SPTBN1: variants seen among roughly 807,000 people sequenced by gnomAD.
The protein encoded by SPTBN1 is spectrin beta chain, non-erythrocytic 1.
Under a neutral mutation model 266.4 loss-of-function variants are expected in SPTBN1, and 32 were observed. That is an observed-to-expected ratio of 0.12 (90% confidence interval 0.09 to 0.16). The LOEUF is 0.16. Ranked by LOEUF, SPTBN1 falls within the 10% of genes least tolerant of loss-of-function variation. The pLI is 1.00. For synonymous variants in SPTBN1, 1,336 were observed against 1,162.2 expected (o/e 1.15, Z -3.04); for missense variants, 2,296 against 3,067.1 (o/e 0.75, Z 5.94).
intron 1 of SPTBN1, among the ~76,000 whole-genome samples, chr2:54,467,440 G>C (rs1257476399): frequency 6.6e-6 from 1 of 152,194 alleles, no homozygotes; most frequent in African/African-American, 2.4e-5. Flanking sequence ...TATCCCCCAG[G>C]CTGGAGTGCG....
chr2:54,617,165 G>C (rs151008583), intron 5 of SPTBN1, among the ~76,000 whole-genome samples: 1 of 152,188 alleles, frequency 6.6e-6, no homozygotes, highest in Non-Finnish European at 1.5e-5. Context: ...ATTAAGTGGC[G>C]TATGGAAGAA....
chr2:54,461,143 T>C (rs1693347008), intron 1 of SPTBN1, among the ~76,000 whole-genome samples: 1 of 152,206 alleles, frequency 6.6e-6, no homozygotes, highest in South Asian at 2.1e-4. Context: ...CATTCCCTTC[T>C]CTATGGTTTA....
intron 3 of SPTBN1, among the ~76,000 whole-genome samples, chr2:54,611,379 G>A (rs993460984): frequency 6.6e-6 from 1 of 152,098 alleles, no homozygotes; most frequent in African/African-American, 2.4e-5. Flanking sequence ...TATAGTAGAT[G>A]TGTGTGTGCT....
In SPTBN1 at chr2:54,626,863, T is replaced by C. The variant is rs550182296; in HGVS notation, c.1644+629T>C. Among the ~76,000 whole-genome samples, 244 of 152,306 alleles carry C rather than the reference T, an allele frequency of 1.6e-3. 2 individuals carry two copies. Among genetic ancestry groups the C allele is most frequent in the African/African-American group, 5.8e-3 (242 of 41,570 alleles). On this transcript the variant is annotated intron_variant, in intron 12 of 35. Transcript: ENST00000356805. This position sits in a 1 kb window ranked among gnomAD's most constrained non-coding sequence, Gnocchi z 4.7. Reference sequence around the variant, plus strand: ...TGCCATTTATTGACTGCTCTTAGCATAGAGTTCCAACCTTTCCCCCTTCCC... The same window carrying C: ...TGCCATTTATTGACTGCTCTTAGCACAGAGTTCCAACCTTTCCCCCTTCCC...
chr2:54,625,751 C>T (rs570734863), intron 11 of SPTBN1, among the ~76,000 whole-genome samples, 181 bp from the exon 12 acceptor site: 7 of 151,978 alleles, frequency 4.6e-5, no homozygotes, highest in Non-Finnish European at 8.8e-5. Flanking sequence ...CCACCACGCC[C>T]GGCTAATTTT....
In SPTBN1 at chr2:54,493,467, G is replaced by A. The variant is rs566471570; in HGVS notation, c.-47-32905G>A. On this transcript the variant is annotated intron_variant, in intron 1 of 35. Transcript: ENST00000356805. ...GTCACGCAGACTGGAGTGCAGTGGCGTGATCTCAGCTCACTGCAACCTCCC... is the reference window on the plus strand; with the variant it reads ...GTCACGCAGACTGGAGTGCAGTGGCATGATCTCAGCTCACTGCAACCTCCC... Among the ~76,000 whole-genome samples the A allele has an allele frequency of 2.6e-5, 4 of 151,488 alleles. No homozygotes were observed. In the East Asian group the frequency reaches 5.9e-4, roughly 22 times the overall value.
At chr2:54,486,799 G>A (rs1668420570) in intron 1 of SPTBN1, among the ~76,000 whole-genome samples, 1 of 151,932 alleles carries the variant, frequency 6.6e-6, no homozygotes, top group African/African-American at 2.4e-5. Context: ...AATGAAGAAA[G>A]GGATGATAAT....
chr2:54,606,057 G>C (rs1384377764), intron 3 of SPTBN1, among the ~76,000 whole-genome samples: 1 of 152,204 alleles, frequency 6.6e-6, no homozygotes, highest in African/African-American at 2.4e-5. Flanking sequence ...TTTGTAGAGA[G>C]AGAATAGAGT....
At chr2:54,661,437 G>T (rs1263885724) in intron 32 of SPTBN1, 1 of 985,646 alleles carries the variant, frequency 1.0e-6, no homozygotes, top group Non-Finnish European at 1.2e-6. Context: ...CATGATGCAT[G>T]TCTTTTTTTT....
intron 3 of SPTBN1, among the ~76,000 whole-genome samples, chr2:54,602,450 T>A (rs1191416139): frequency 6.6e-6 from 1 of 152,208 alleles, no homozygotes; most frequent in Non-Finnish European, 1.5e-5. Flanking sequence ...TAATCCACTT[T>A]AGATGCTCCC....
At chr2:54,505,589 G>T (rs768631798) in intron 1 of SPTBN1, among the ~76,000 whole-genome samples, 1 of 152,122 alleles carries the variant, frequency 6.6e-6, no homozygotes, top group Non-Finnish European at 1.5e-5. Context: ...TACCTGCCAG[G>T]TGTGTCTCCT....
intron 1 of SPTBN1, among the ~76,000 whole-genome samples, chr2:54,490,525 A>C (rs959327091): frequency 1.3e-5 from 2 of 152,204 alleles, no homozygotes; most frequent in Non-Finnish European, 2.9e-5. Flanking sequence ...TGGTGATGTG[A>C]TTCTCCAGAA....
chr2:54,593,241 CT>C, intron 2 of SPTBN1, among the ~76,000 whole-genome samples: 1 of 152,054 alleles, frequency 6.6e-6, no homozygotes, highest in Non-Finnish European at 1.5e-5. Context: ...AGAACCATTT[CT>C]GGTTCCTAGG....
chr2:54,492,460 G>C (rs1171980937), intron 1 of SPTBN1, among the ~76,000 whole-genome samples: 1 of 151,772 alleles, frequency 6.6e-6, no homozygotes, highest in Non-Finnish European at 1.5e-5. Flanking sequence ...GATTTGCTGG[G>C]TCTGAGGAGT....
intron 3 of SPTBN1, among the ~76,000 whole-genome samples, chr2:54,603,493 C>T (rs1217444283): frequency 6.6e-6 from 1 of 152,144 alleles, no homozygotes; most frequent in African/African-American, 2.4e-5. Context: ...TGCTAGTAGG[C>T]GATATGGTGT....
Position 54,626,289 on chromosome 2 carries a change from T to C in SPTBN1, c.1644+55T>C, listed in dbSNP as rs1253418106. 1.9e-6 allele frequency: 3 copies of C among 1,551,340 alleles called. 1 individual carries two copies. Among genetic ancestry groups the C allele is most frequent in the African/African-American group, 1.4e-5 (1 of 73,410 alleles). ...GAGCTGATCCAACCAGGGCTCTCTT[T>C]TCTGTGACTCATTCACTAAACCCCT... On this transcript the variant is annotated intron_variant, in intron 12 of 35. Transcript: ENST00000356805. The surrounding 1 kb of genome is among the most constrained non-coding windows in gnomAD (Gnocchi z 4.7).
chr2:54,508,676 C>A (rs1382707610), intron 1 of SPTBN1, among the ~76,000 whole-genome samples: 1 of 151,976 alleles, frequency 6.6e-6, no homozygotes, highest in Non-Finnish European at 1.5e-5. Context: ...GAAGTTTCAG[C>A]GAGGGAGTAG....
intron 1 of SPTBN1, among the ~76,000 whole-genome samples, chr2:54,514,795 A>C (rs1670032000): frequency 6.6e-6 from 1 of 152,158 alleles, no homozygotes; most frequent in African/African-American, 2.4e-5. Flanking sequence ...GTACTAACCA[A>C]CTCCATCTTG....
intron 2 of SPTBN1, chr2:54,527,256 G>A (rs1395513568): frequency 6.6e-6 from 1 of 152,140 alleles, no homozygotes; most frequent in Admixed American, 6.5e-5. Context: ...TATCAAAACC[G>A]AGTTTTTTCA....
Sources: gnomAD v4.1 joint callset for allele counts (sites outside exome capture counted in the v4.1 genomes callset) on GRCh38, gnomAD v4.1.1 for gene constraint, Gnocchi (gnomAD v3.1) non-coding constraint, MANE v1.5 for transcripts, NCBI Gene and HGNC (gene_info 2026-07-23, HGNC 2026-07-21) for gene names.